Variants in RIMS1 observed in about 807,000 individuals in gnomAD.
The protein encoded by RIMS1 is regulating synaptic membrane exocytosis 1.
RIMS1 carries 83 observed loss-of-function variants against 214.1 expected under a neutral mutation model. The observed-to-expected ratio is 0.39, with a 90% CI of 0.32 to 0.47. The LOEUF (loss-of-function observed/expected upper bound fraction) is 0.47. RIMS1 is among the 20% of genes least tolerant of loss of function. The pLI is 0.99. For missense variants in RIMS1, 2,050 were observed against 2,161.8 expected (o/e 0.95, Z 1.03); for synonymous variants, 793 against 786.8 (o/e 1.01, Z -0.13).
intron 4 of RIMS1, among the ~76,000 whole-genome samples, chr6:72,164,291 C>T (rs960964479): frequency 6.6e-6 from 1 of 152,158 alleles, no homozygotes; most frequent in East Asian, 1.9e-4. Context: ...CCGTCTGTCA[C>T]CCCTTTCTTT....
In RIMS1 at chr6:72,038,017, A is replaced by T. The variant is rs1025667736; in HGVS notation, c.246-58932A>T. Among the ~76,000 whole-genome samples the T allele has an allele frequency of 1.4e-5, 2 of 143,884 alleles. 1 individual carries two copies. The highest frequency in any genetic ancestry group is 3.0e-5 in the Non-Finnish European group (2 of 66,706). 94.4% of individuals were successfully genotyped at this position (143,884 alleles called of 152,430 possible). A position where few individuals can be genotyped will look rare whatever the true frequency, so the allele number is the denominator to read the frequency against. On this transcript the variant is annotated intron_variant, in intron 2 of 33. Transcript: ENST00000521978. ...AAAGCGTTTCTTCAGTTATTGATCT[A>T]ACCTATGATCCCAGCCTCTTTGGAG...
intron 28 of RIMS1, among the ~76,000 whole-genome samples, chr6:72,315,202 A>G (rs900373841): frequency 3.9e-5 from 6 of 152,198 alleles, no homozygotes; most frequent in Non-Finnish European, 7.3e-5. Flanking sequence ...CATGGACTAT[A>G]ACCATATCAT....
At chr6:72,133,664 C>T (rs1228547511) in intron 4 of RIMS1, among the ~76,000 whole-genome samples, 1 of 152,114 alleles carries the variant, frequency 6.6e-6, no homozygotes, top group Non-Finnish European at 1.5e-5. Flanking sequence ...CATCTACTCA[C>T]TGACTGTGGA....
chr6:71,890,405 T>TGTGCGTGCATGCATGCACGTACACACAC (rs1554194747), intron 1 of RIMS1, among the ~76,000 whole-genome samples: 1 of 147,832 alleles, frequency 6.8e-6, no homozygotes, highest in African/African-American at 2.5e-5. Flanking sequence ...GATGTGAGTG[T>TGTGCGTGCATGCATGCACGTACACACAC]GTGTGTTCTG....
chr6:72,060,957 G>A (rs1463806962), intron 2 of RIMS1, among the ~76,000 whole-genome samples: 1 of 151,878 alleles, frequency 6.6e-6, no homozygotes, highest in African/African-American at 2.4e-5. Flanking sequence ...TTTTTTTCCA[G>A]TATACTTTAT....
intron 22 of RIMS1, among the ~76,000 whole-genome samples, chr6:72,272,905 T>C (rs1481529430): frequency 6.6e-6 from 1 of 152,196 alleles, no homozygotes; most frequent in Non-Finnish European, 1.5e-5. Context: ...AAAGAAACTT[T>C]TTAAAACATT....
At position 71,892,912 on chromosome 6, in the gene RIMS1, T is replaced by A. The variant is rs1269175728; in HGVS notation, c.164+5725T>A. ...TAGAACACTGGACTAGATTCTGGTC[T>A]TAACATTATGACTTTTTATAGGTGT... On this transcript the variant is annotated intron_variant, in intron 1 of 33. Coordinates refer to ENST00000521978, the MANE Select transcript of RIMS1 (RefSeq NM_014989.7). Among the ~76,000 whole-genome samples, 5 of 152,282 alleles carry A rather than the reference T, an allele frequency of 3.3e-5. No individual in the cohort carries two copies. In the East Asian group the frequency reaches 9.7e-4, roughly 30 times the overall value.
At chr6:72,009,511 T>C (rs1293203014) in intron 2 of RIMS1, among the ~76,000 whole-genome samples, 4 of 151,890 alleles carry the variant, frequency 2.6e-5, no homozygotes, top group South Asian at 2.1e-4. Context: ...ACAAAAAACC[T>C]TTCAAAAAAT....
At chr6:72,368,596 G>A (rs1374550347) in intron 29 of RIMS1, among the ~76,000 whole-genome samples, 1 of 151,880 alleles carries the variant, frequency 6.6e-6, no homozygotes, top group Non-Finnish European at 1.5e-5. Context: ...AATGTTATAA[G>A]TTTTAGTTAC....
At position 72,030,706 on chromosome 6, in the gene RIMS1, T is replaced by C. The variant is rs558721296; in HGVS notation, c.245+61643T>C. ...ATTTTAAATGATGTAAAGAAATCTT[T>C]GAATTCAAAATCCATGTGATCTTTT... On this transcript the variant is annotated intron_variant, in intron 2 of 33. Transcript: ENST00000521978. 3.9e-5 allele frequency among the ~76,000 whole-genome samples: 6 copies of C among 152,310 alleles called. No homozygotes were observed. The East Asian group carries it at 9.6e-4, about 24-fold the overall frequency.
chr6:72,163,096 A>AT lies in RIMS1; in HGVS notation c.472-16472dup, dbSNP rs1186953542. Among the ~76,000 whole-genome samples, 5 of 136,458 alleles carry AT rather than the reference A, an allele frequency of 3.7e-5. 1 individual carries two copies. Among genetic ancestry groups the AT allele is most frequent in the African/African-American group, 1.2e-4 (5 of 40,030 alleles). 89.5% of individuals were successfully genotyped at this position (136,458 alleles called of 152,430 possible). ...GAGGCTTTGTTCATTTCTTTTTATT[A>AT]TTTTTTTCTCTAATCTTCTCTTCTC... On this transcript the variant is annotated intron_variant, in intron 4 of 33. Coordinates refer to ENST00000521978, the MANE Select transcript of RIMS1 (RefSeq NM_014989.7).
rs73536160 is a variant in RIMS1 at position 72,298,935 on chromosome 6, C to G, written c.3850+6889C>G. Among the ~76,000 whole-genome samples, 1,064 of 152,052 alleles carry G rather than the reference C, an allele frequency of 7.0e-3. 7 individuals are homozygous for G. Among genetic ancestry groups the G allele is most frequent in the African/African-American group, 0.024 (1,006 of 41,512 alleles). On this transcript the variant is annotated intron_variant, in intron 26 of 33. Coordinates refer to ENST00000521978, the MANE Select transcript of RIMS1 (RefSeq NM_014989.7). ...AGTTAACCAAGGGACTATAAATGTT[C>G]ATAGTACTTTGTTTACATTTTAACT...
At chr6:72,213,888 A>G (rs1278078818) in intron 6 of RIMS1, among the ~76,000 whole-genome samples, 1 of 152,208 alleles carries the variant, frequency 6.6e-6, no homozygotes, top group Non-Finnish European at 1.5e-5. Context: ...ATAGCTGTGG[A>G]ATCACAACTA....
At chr6:72,179,503 A>G (rs1562504844) in intron 4 of RIMS1, 72 bp from the exon 5 acceptor site, 1 of 1,158,304 alleles carries the variant, frequency 8.6e-7, no homozygotes. Context: ...TTTCTTAAAT[A>G]TATTTTAAGA....
chr6:72,200,487 TTTAA>T (rs2051752083), intron 6 of RIMS1, among the ~76,000 whole-genome samples: 1 of 152,202 alleles, frequency 6.6e-6, no homozygotes, highest in South Asian at 2.1e-4. Context: ...TAGTTTCTTC[TTTAA>T]TTACTCCAAA....
intron 1 of RIMS1, among the ~76,000 whole-genome samples, chr6:71,933,352 G>A (rs76540130): frequency 0.019 from 2,906 of 152,092 alleles, 91 homozygotes; most frequent in African/African-American, 0.065. Context: ...CTCCCCAGTT[G>A]ACTCTGATCT....
At chr6:72,111,553 C>G (rs1013467433) in intron 4 of RIMS1, among the ~76,000 whole-genome samples, 4 of 152,070 alleles carry the variant, frequency 2.6e-5, no homozygotes, top group African/African-American at 9.7e-5. Context: ...TGCTCTGATT[C>G]CTCAGTAAAG....
At chr6:72,149,843 G>A (rs1299712146) in intron 4 of RIMS1, among the ~76,000 whole-genome samples, 2 of 152,114 alleles carry the variant, frequency 1.3e-5, no homozygotes, top group East Asian at 1.9e-4. Flanking sequence ...TCATTCACTC[G>A]GCCCACTGGG....
chr6:72,377,487 TC>T (rs779857590), intron 29 of RIMS1, among the ~76,000 whole-genome samples: 11 of 151,958 alleles, frequency 7.2e-5, no homozygotes, highest in Non-Finnish European at 1.5e-4. Flanking sequence ...CCCCTCTTGG[TC>T]TATGGGACAG....
Sources: gnomAD v4.1 joint callset for allele counts (sites outside exome capture counted in the v4.1 genomes callset) on GRCh38, gnomAD v4.1.1 for gene constraint, MANE v1.5 for transcripts, NCBI Gene and HGNC (gene_info 2026-07-23, HGNC 2026-07-21) for gene names.